DOCK1: variants seen among roughly 807,000 people sequenced by gnomAD.
DOCK1 encodes dedicator of cytokinesis 1.
In DOCK1, 138 loss-of-function variants were observed where a neutral mutation model predicts 262.7. The observed-to-expected ratio is 0.53, with a 90% CI of 0.46 to 0.61. The LOEUF (loss-of-function observed/expected upper bound fraction) is 0.61. Among genes scored for constraint, DOCK1 ranks in the 20% least tolerant of loss-of-function variants. DOCK1 has a pLI of 0.00. For synonymous variants in DOCK1, 866 were observed against 867.4 expected (o/e 1.00, Z 0.03); for missense variants, 1,908 against 2,370.7 (o/e 0.80, Z 4.05).
intron 10 of DOCK1, among the ~76,000 whole-genome samples, chr10:127,004,739 A>C (rs2135211978): frequency 6.9e-6 from 1 of 144,284 alleles, no homozygotes; most frequent in Non-Finnish European, 1.5e-5. Flanking sequence ...CTACAGAGTC[A>C]TCCTGTCCCC....
At chr10:126,922,209 CAAAAAAA>C (rs1213635501) in intron 1 of DOCK1, among the ~76,000 whole-genome samples, 10 of 63,950 alleles carry the variant, frequency 1.6e-4, no homozygotes, top group East Asian at 4.5e-4. Flanking sequence ...GACCCTGTAT[CAAAAAAA>C]AAAAAAAAAA....
At position 127,176,163 on chromosome 10, in the gene DOCK1, A is replaced by G; in HGVS notation, c.2847+48399A>G. The G allele has an allele frequency of 1.2e-6, 2 of 1,614,056 alleles. No individual in the cohort carries two copies. The highest frequency in any genetic ancestry group is 1.1e-5 in the South Asian group (1 of 91,070). ...TTTGCGGTAGGCTGCTCTGCAGGAC[A>G]CGGGCTTGGCCTCCCGCTTCTCCCC... On this transcript the variant is annotated intron_variant, in intron 27 of 51. Coordinates refer to ENST00000623213, the MANE Select transcript of DOCK1 (RefSeq NM_001290223.2). The surrounding 1 kb of genome is among the most constrained non-coding windows in gnomAD (Gnocchi z 4.4).
intron 23 of DOCK1, among the ~76,000 whole-genome samples, chr10:127,079,381 A>G (rs1370769559): frequency 2.0e-5 from 3 of 152,200 alleles, no homozygotes; most frequent in African/African-American, 7.2e-5. Flanking sequence ...CCTCTCTGGA[A>G]TCCTTCTCTC....
chr10:127,400,523 GCCACGCTGGGTCAAGC>G (rs1167719220), intron 38 of DOCK1, among the ~76,000 whole-genome samples: 1 of 152,204 alleles, frequency 6.6e-6, no homozygotes, highest in Non-Finnish European at 1.5e-5. Context: ...TTTCAAAAAG[GCCACGCTGGGTCAAGC>G]CCACCGCTTA....
chr10:127,184,543 C>T (rs2056050674), intron 27 of DOCK1, among the ~76,000 whole-genome samples: 1 of 148,960 alleles, frequency 6.7e-6, no homozygotes, highest in African/African-American at 2.5e-5. Context: ...CACGTCGCTT[C>T]TCTGTGCATA....
chr10:127,444,224 G>A lies in DOCK1; in HGVS notation c.5358G>A (p.Gln1786=). Residue 1786 remains glutamine (Q), a synonymous_variant, in exon 50 of 52, where the codon CAG becomes CAA. Transcript: ENST00000623213. The part of the protein sequence containing the change: ...FSVSPSSPSS[Q]QTPPPVTPRA... ...TGTCCCCCTCGTCACCGTCCTCCCAGCAAACACCCCCTCCAGTTACACCAA... is the reference window on the plus strand; with the variant it reads ...TGTCCCCCTCGTCACCGTCCTCCCAACAAACACCCCCTCCAGTTACACCAA... The A allele has an allele frequency of 1.9e-6, 3 of 1,612,054 alleles. No homozygotes were observed. Among genetic ancestry groups the A allele is most frequent in the Middle Eastern group, 1.7e-4 (1 of 6,054 alleles).
intron 27 of DOCK1, chr10:127,145,879 TC>T (rs1375708857): frequency 4.8e-6 from 2 of 415,750 alleles, no homozygotes; most frequent in East Asian, 1.4e-4. Context: ...TCATCTGGTG[TC>T]ACCAGTGACC....
At chr10:127,022,697 G>T (rs2042526169) in intron 13 of DOCK1, among the ~76,000 whole-genome samples, 2 of 152,094 alleles carry the variant, frequency 1.3e-5, no homozygotes, top group African/African-American at 4.8e-5. Flanking sequence ...CGCCTGGCCG[G>T]TCCTCATTCT....
At chr10:127,257,543 C>T in intron 29 of DOCK1, 114 bp downstream of exon 29, 2 of 929,442 alleles carry the variant, frequency 2.2e-6, no homozygotes, top group Non-Finnish European at 3.3e-6. Context: ...TCTGCAAACG[C>T]TGTTCCTAAT....
intron 42 of DOCK1, 41 bp downstream of exon 42, chr10:127,409,432 G>T: frequency 6.3e-7 from 1 of 1,599,894 alleles, no homozygotes; most frequent in Non-Finnish European, 8.6e-7. Context: ...AGGGTTGTAA[G>T]AGGCTGTGTA....
chr10:127,318,089 C>T (rs1321934106), intron 29 of DOCK1, among the ~76,000 whole-genome samples: 1 of 152,174 alleles, frequency 6.6e-6, no homozygotes, highest in African/African-American at 2.4e-5. Context: ...CATAAGGACA[C>T]AACTAGATAT....
At chr10:127,084,657 T>C (rs547717793) in intron 23 of DOCK1, among the ~76,000 whole-genome samples, 22 of 152,058 alleles carry the variant, frequency 1.4e-4, no homozygotes, top group African/African-American at 5.3e-4. Flanking sequence ...TTCTAACGGG[T>C]TTACATGAGG....
intron 27 of DOCK1, among the ~76,000 whole-genome samples, chr10:127,160,719 T>G (rs1260459153): frequency 6.6e-6 from 1 of 152,218 alleles, no homozygotes; most frequent in East Asian, 1.9e-4. Flanking sequence ...TAGCTAGAGA[T>G]GGTGGTTGTT....
chr10:127,146,255 A>G (rs572252541), intron 27 of DOCK1: 1 of 226,564 alleles, frequency 4.4e-6, no homozygotes, highest in African/African-American at 2.3e-5. Flanking sequence ...TCTGCTAATA[A>G]ATTTTAACTA....
chr10:127,348,511 G>A (rs1590620765), intron 31 of DOCK1, among the ~76,000 whole-genome samples: 1 of 152,118 alleles, frequency 6.6e-6, no homozygotes, highest in East Asian at 1.9e-4. Context: ...ACATATCTAA[G>A]CATAAAATGC....
intron 10 of DOCK1, among the ~76,000 whole-genome samples, chr10:127,005,971 T>A (rs2040985948): frequency 6.6e-6 from 1 of 152,226 alleles, no homozygotes; most frequent in Admixed American, 6.5e-5. Flanking sequence ...TATTAAGCAT[T>A]ATTCAAAAAT....
intron 25 of DOCK1, among the ~76,000 whole-genome samples, chr10:127,114,475 G>A (rs1480376351): frequency 6.6e-6 from 1 of 152,224 alleles, no homozygotes; most frequent in South Asian, 2.1e-4. Context: ...CAAAGGGAGA[G>A]GGAGAAGAGT....
chr10:127,209,975 T>C lies in DOCK1; in HGVS notation c.2848-38033T>C, dbSNP rs966138116. On this transcript the variant is annotated intron_variant, in intron 27 of 51. Coordinates refer to ENST00000623213, the MANE Select transcript of DOCK1 (RefSeq NM_001290223.2). Reference sequence around the variant, plus strand: ...GCAGGAGTTGGTAAGTCCCGTGGACTTGGAGACTTAGGTTAAGGAATTCCA... The same window carrying C: ...GCAGGAGTTGGTAAGTCCCGTGGACCTGGAGACTTAGGTTAAGGAATTCCA... Among the ~76,000 whole-genome samples the C allele has an allele frequency of 2.0e-5, 3 of 152,194 alleles. No individual in the cohort carries two copies. In the South Asian group the frequency reaches 6.2e-4, roughly 32 times the overall value.
At chr10:126,957,167 A>T (rs1565006555) in intron 1 of DOCK1, among the ~76,000 whole-genome samples, 1 of 152,270 alleles carries the variant, frequency 6.6e-6, no homozygotes, top group African/African-American at 2.4e-5. Context: ...TTACTTTTTT[A>T]TCAAAGCTAA....
Sources: allele counts gnomAD v4.1 joint callset (sites outside exome capture counted in the v4.1 genomes callset), GRCh38; gene constraint gnomAD v4.1.1; non-coding constraint Gnocchi (gnomAD v3.1); transcripts MANE v1.5; gene names NCBI Gene and HGNC (gene_info 2026-07-23, HGNC 2026-07-21).